XPO6: variants seen among roughly 807,000 people sequenced by gnomAD.
XPO6 encodes the protein exportin 6.
Under a neutral mutation model 130.0 loss-of-function variants are expected in XPO6, and 3 were observed. The observed-to-expected ratio is 0.02, with a 90% CI of 0.01 to 0.06. XPO6 has a LOEUF of 0.06. Among genes scored for constraint, XPO6 ranks in the 10% least tolerant of loss-of-function variants. The pLI, the probability that XPO6 is intolerant of heterozygous loss-of-function variation, is 1.00. For synonymous variants in XPO6, 524 were observed against 548.9 expected, an observed-to-expected ratio of 0.95 and a Z score of 0.63; for missense variants, 970 against 1,393.0, an observed-to-expected ratio of 0.70 and a Z score of 4.83.
chr16:28,173,806 T>C (rs1437388245), intron 4 of XPO6, among the ~76,000 whole-genome samples: 1 of 152,180 alleles, frequency 6.6e-6, no homozygotes, highest in Non-Finnish European at 1.5e-5. Context: ...CTAAAAGTGC[T>C]CTCTTCCAAA....
intron 9 of XPO6, among the ~76,000 whole-genome samples, chr16:28,138,147 A>G (rs919373680): frequency 6.6e-6 from 1 of 152,216 alleles, no homozygotes; most frequent in African/African-American, 2.4e-5. Context: ...TTCACCCAAT[A>G]AAGTCAAAAT....
At chr16:28,194,559 C>A (rs1187390966) in intron 1 of XPO6, among the ~76,000 whole-genome samples, 1 of 152,060 alleles carries the variant, frequency 6.6e-6, no homozygotes, top group Non-Finnish European at 1.5e-5. Flanking sequence ...TCTCAAATGC[C>A]TGTCTGTACT....
chr16:28,127,438 C>A (rs969371308), intron 12 of XPO6, among the ~76,000 whole-genome samples: 8 of 152,166 alleles, frequency 5.3e-5, no homozygotes, highest in Admixed American at 4.6e-4. Context: ...TGTCCAGCAG[C>A]CAGCACAGCA....
intron 1 of XPO6, among the ~76,000 whole-genome samples, chr16:28,185,848 T>A (rs1567644156): frequency 6.6e-6 from 1 of 152,186 alleles, no homozygotes; most frequent in Admixed American, 6.5e-5. Context: ...GATGACGAAT[T>A]AAGCTTGGCT....
chr16:28,209,801 T>G (rs1412799902), intron 1 of XPO6, among the ~76,000 whole-genome samples: 1 of 152,158 alleles, frequency 6.6e-6, no homozygotes, highest in African/African-American at 2.4e-5. Context: ...ACTGAGAGCT[T>G]AACTGATTTG....
At chr16:28,196,850 G>A (rs1012507597) in intron 1 of XPO6, among the ~76,000 whole-genome samples, 5 of 152,014 alleles carry the variant, frequency 3.3e-5, no homozygotes, top group African/African-American at 9.7e-5. Flanking sequence ...CCCCTTCACC[G>A]TCCACCAGGA....
At chr16:28,200,946 T>C (rs1194082969) in intron 1 of XPO6, among the ~76,000 whole-genome samples, 1 of 152,064 alleles carries the variant, frequency 6.6e-6, no homozygotes, top group Admixed American at 6.6e-5. Flanking sequence ...CTTTTCTCTC[T>C]CTATGCCCAT....
In XPO6 at chr16:28,132,270, A is replaced by G; in HGVS notation, c.1606+64T>C. On this transcript the variant is annotated intron_variant, in intron 12 of 23. Coordinates refer to ENST00000304658, the MANE Select transcript of XPO6 (RefSeq NM_015171.4). The surrounding 1 kb of genome is among the most constrained non-coding windows in gnomAD (Gnocchi z 4.0). ...TGTTCCGACAGCAACGGCAGCAGTA[A>G]TGAAATATCAGTCCGATGGTTTTTT... 1.6e-6 allele frequency: 2 copies of G among 1,264,874 alleles called. No homozygotes were observed. Among genetic ancestry groups the G allele is most frequent in the South Asian group, 2.6e-5 (2 of 76,494 alleles). The allele number at this position is 1,264,874 out of a possible 1,614,324, so 78.4% of individuals were successfully genotyped here.
intron 13 of XPO6, among the ~76,000 whole-genome samples, chr16:28,123,023 G>A (rs941098682): frequency 1.3e-5 from 2 of 152,036 alleles, no homozygotes; most frequent in Non-Finnish European, 1.5e-5. Flanking sequence ...GGATACTAAC[G>A]AGCATTAAAC....
At chr16:28,127,689 G>A (rs924861917) in intron 12 of XPO6, among the ~76,000 whole-genome samples, 1 of 152,198 alleles carries the variant, frequency 6.6e-6, no homozygotes, top group East Asian at 1.9e-4. Flanking sequence ...CGCCACCAAC[G>A]TCAAGGGATG....
At chr16:28,163,399 A>G (rs1297063264) in intron 6 of XPO6, among the ~76,000 whole-genome samples, 6 of 152,264 alleles carry the variant, frequency 3.9e-5, no homozygotes, top group African/African-American at 1.2e-4. Flanking sequence ...TTGAAACTAT[A>G]TATCATGTGC....
chr16:28,142,283 T>C (rs147168245), intron 9 of XPO6, among the ~76,000 whole-genome samples: 2 of 152,374 alleles, frequency 1.3e-5, no homozygotes, highest in East Asian at 3.9e-4. Flanking sequence ...AATGTGGTCA[T>C]CACCAGAAGC....
In XPO6 at chr16:28,109,635, C is replaced by T. The variant is rs997855952; in HGVS notation, c.2342-1958G>A. Among the ~76,000 whole-genome samples the T allele has an allele frequency of 5.3e-5, 8 of 152,106 alleles. No individual in the cohort carries two copies. In the East Asian group the frequency reaches 5.8e-4, roughly 11 times the overall value. ...CATATGACAAGAAAACAGGCCTGGA[C>T]GCTTCAAAAATGCCAATGTCACGAA... On this transcript the variant is annotated intron_variant, in intron 17 of 23. Transcript: ENST00000304658.
At chr16:28,200,499 T>G (rs2141906249) in intron 1 of XPO6, among the ~76,000 whole-genome samples, 1 of 152,062 alleles carries the variant, frequency 6.6e-6, no homozygotes, top group Admixed American at 6.5e-5. Context: ...CTTTTTTTTT[T>G]TGAGACGGAG....
chr16:28,104,974 C>T (rs1423361838), intron 20 of XPO6, among the ~76,000 whole-genome samples: 4 of 152,390 alleles, frequency 2.6e-5, no homozygotes, highest in Non-Finnish European at 4.4e-5. Flanking sequence ...AGAGAATGCA[C>T]GGGTCAGTGC....
chr16:28,184,599 T>TA (rs775780148), intron 1 of XPO6, among the ~76,000 whole-genome samples: 1,834 of 99,158 alleles, frequency 0.018, 9 homozygotes, highest in Middle Eastern at 0.033. Context: ...AACAAATCAG[T>TA]AAAAAAAAAA....
Position 28,101,434 on chromosome 16 carries a change from A to C in XPO6, c.3276+24T>G. The C allele has an allele frequency of 6.2e-7, 1 of 1,608,630 alleles. No individual in the cohort carries two copies. Among genetic ancestry groups the C allele is most frequent in the South Asian group, 1.1e-5 (1 of 90,936 alleles). Reference sequence around the variant, plus strand: ...TGCGTGCCCACTCTGCCCTCCTCTTAGCCCGGCCTCTTTCTCTCCTCACCC... The same window carrying C: ...TGCGTGCCCACTCTGCCCTCCTCTTCGCCCGGCCTCTTTCTCTCCTCACCC... On this transcript the variant is annotated intron_variant, in intron 23 of 23. Transcript: ENST00000304658. This position sits in a 1 kb window ranked among gnomAD's most constrained non-coding sequence, Gnocchi z 5.4.
At chr16:28,147,454 G>A (rs72789664) in intron 8 of XPO6, among the ~76,000 whole-genome samples, 1 of 100,936 alleles carries the variant, frequency 9.9e-6, no homozygotes, top group Non-Finnish European at 2.3e-5. Flanking sequence ...AAAGAAAAAA[G>A]AAAAGAGTGT....
chr16:28,100,754 AAGAAG>A (rs2086639445), intron 23 of XPO6, among the ~76,000 whole-genome samples: 1 of 152,214 alleles, frequency 6.6e-6, no homozygotes, highest in Non-Finnish European at 1.5e-5. Context: ...CTGACACAGG[AAGAAG>A]AGAACAGGTG....
Sources: gnomAD v4.1 joint callset for allele counts (sites outside exome capture counted in the v4.1 genomes callset) on GRCh38, gnomAD v4.1.1 for gene constraint, Gnocchi (gnomAD v3.1) non-coding constraint, MANE v1.5 for transcripts, NCBI Gene and HGNC (gene_info 2026-07-23, HGNC 2026-07-21) for gene names.